Variants in GRID2 observed in about 807,000 individuals in gnomAD.
GRID2 encodes the protein glutamate ionotropic receptor delta type subunit 2.
Under a neutral mutation model 114.8 loss-of-function variants are expected in GRID2, and 33 were observed. The ratio of observed to expected loss-of-function variants is 0.29; its 90% CI spans 0.22 to 0.38. GRID2 has a LOEUF of 0.38. Among genes scored for constraint, GRID2 ranks in the 10% least tolerant of loss-of-function variants. GRID2 has a pLI of 1.00. For synonymous variants in GRID2, 505 were observed against 449.9 expected, an observed-to-expected ratio of 1.12 and a Z score of -1.55; for missense variants, 1,184 against 1,257.7, an observed-to-expected ratio of 0.94 and a Z score of 0.89.
At chr4:92,444,636 T>G (rs1181992262) in intron 1 of GRID2, among the ~76,000 whole-genome samples, 1 of 152,158 alleles carries the variant, frequency 6.6e-6, no homozygotes, top group African/African-American at 2.4e-5. Context: ...TGGCTTGGCT[T>G]GGGCTCAGAG....
At position 93,490,640 on chromosome 4, in the gene GRID2, C is replaced by T. The variant is rs1244698608; in HGVS notation, c.1860C>T (p.Gly620=). 1.3e-5 allele frequency: 21 copies of T among 1,587,086 alleles called. No homozygotes were observed. The highest frequency in any genetic ancestry group is 1.7e-4 in the Middle Eastern group (1 of 5,968). Residue 620 remains glycine (G), a splice_region_variant and synonymous_variant, in exon 12 of 16, where the codon GGC becomes GGT. Coordinates refer to ENST00000282020, the MANE Select transcript of GRID2 (RefSeq NM_001510.4). ...TTATCTCTTTGCTTCTTTCTACAGG[C>T]GGGGAAGTCCCGTACACGACTCTGG... ...WFVYGSFVQQ[G]GEVPYTTLAT... is the part of the protein sequence containing the mutation.
intron 2 of GRID2, among the ~76,000 whole-genome samples, chr4:92,915,374 A>T (rs1364275675): frequency 6.6e-6 from 1 of 152,144 alleles, no homozygotes; most frequent in African/African-American, 2.4e-5. Context: ...AAGTATAATG[A>T]CTGGAAGGCA....
At chr4:93,081,234 AAG>A (rs754503662) in intron 2 of GRID2, among the ~76,000 whole-genome samples, 7 of 152,208 alleles carry the variant, frequency 4.6e-5, no homozygotes, top group Admixed American at 1.3e-4. Context: ...GATCACAAAG[AAG>A]ATATATGTTC....
rs991197461 is a variant in GRID2 at position 92,792,287 on chromosome 4, G to A, written c.244+202001G>A. Among the ~76,000 whole-genome samples the A allele has an allele frequency of 4.6e-5, 7 of 151,744 alleles. No individual in the cohort carries two copies. In the East Asian group the frequency reaches 9.7e-4, roughly 21 times the overall value. ...GTAATAAAATCACTCATAAGGTCAC[G>A]TGAAGTTCAGAGTTGTTAGGGAGGT... On this transcript the variant is annotated intron_variant, in intron 2 of 15. Transcript: ENST00000282020.
At chr4:93,211,292 G>A (rs1743442787) in intron 5 of GRID2, among the ~76,000 whole-genome samples, 2 of 151,976 alleles carry the variant, frequency 1.3e-5, no homozygotes, top group South Asian at 4.2e-4. Flanking sequence ...GAATAGACTA[G>A]CATGTATTTC....
chr4:93,628,089 G>A (rs190793969), intron 14 of GRID2, among the ~76,000 whole-genome samples: 9 of 152,230 alleles, frequency 5.9e-5, no homozygotes, highest in Admixed American at 2.0e-4. Flanking sequence ...CATGAGAATC[G>A]CTTGAGCTTG....
intron 8 of GRID2, among the ~76,000 whole-genome samples, chr4:93,313,916 A>G (rs893038414): frequency 1.3e-5 from 2 of 152,184 alleles, no homozygotes; most frequent in African/African-American, 2.4e-5. Flanking sequence ...AGCCCTACAC[A>G]TAAGCAGCTA....
intron 3 of GRID2, among the ~76,000 whole-genome samples, chr4:93,110,033 A>C (rs1235312005): frequency 6.6e-6 from 1 of 152,154 alleles, no homozygotes; most frequent in Non-Finnish European, 1.5e-5. Flanking sequence ...GCTGATCATC[A>C]TGCAATCAAA....
chr4:93,485,538 G>C (rs1726300426), intron 11 of GRID2, among the ~76,000 whole-genome samples: 1 of 151,658 alleles, frequency 6.6e-6, no homozygotes, highest in African/African-American at 2.4e-5. Flanking sequence ...AGGCTGCATG[G>C]TATTAATTTC....
chr4:92,529,540 G>A (rs1725226694), intron 1 of GRID2, among the ~76,000 whole-genome samples: 1 of 152,046 alleles, frequency 6.6e-6, no homozygotes, highest in African/African-American at 2.4e-5. Flanking sequence ...AAAGACATGT[G>A]AAAACATACT....
intron 3 of GRID2, among the ~76,000 whole-genome samples, chr4:93,088,773 A>G (rs1730540014): frequency 1.3e-5 from 2 of 152,096 alleles, no homozygotes; most frequent in Non-Finnish European, 2.9e-5. Flanking sequence ...TAAGAACTTT[A>G]CTGTCACAAT....
At chr4:93,540,994 C>G (rs1451030923) in intron 13 of GRID2, among the ~76,000 whole-genome samples, 1 of 152,074 alleles carries the variant, frequency 6.6e-6, no homozygotes, top group Non-Finnish European at 1.5e-5. Flanking sequence ...TATTGAGAGA[C>G]TATAAATATG....
rs928490961 is a variant in GRID2, at chr4:92,663,519, A to G, written c.244+73233A>G. ...CAATTACTAAAATTAGTTGTCTAGTATACAGACAAAGTTGTTGCCTAATAT... is the reference window on the plus strand; with the variant it reads ...CAATTACTAAAATTAGTTGTCTAGTGTACAGACAAAGTTGTTGCCTAATAT... On this transcript the variant is annotated intron_variant, in intron 2 of 15. Transcript: ENST00000282020. 7.3e-5 allele frequency among the ~76,000 whole-genome samples: 11 copies of G among 151,426 alleles called. No homozygotes were observed. The East Asian group carries it at 1.9e-3, about 27-fold the overall frequency.
At chr4:92,499,930 A>G (rs1314196457) in intron 1 of GRID2, among the ~76,000 whole-genome samples, 1 of 152,200 alleles carries the variant, frequency 6.6e-6, no homozygotes, top group Non-Finnish European at 1.5e-5. Context: ...ATGTTTTTAT[A>G]CATCCAAATT....
At chr4:92,324,660 C>T (rs996070840) in intron 1 of GRID2, among the ~76,000 whole-genome samples, 1 of 151,438 alleles carries the variant, frequency 6.6e-6, no homozygotes, top group Non-Finnish European at 1.5e-5. Context: ...CTGTAGGAAG[C>T]CTTAAAGTAA....
At chr4:92,729,821 G>T (rs1222273390) in intron 2 of GRID2, among the ~76,000 whole-genome samples, 1 of 138,700 alleles carries the variant, frequency 7.2e-6, no homozygotes, top group African/African-American at 2.5e-5. Flanking sequence ...TAACAAAACA[G>T]TAAAAAAAAA....
chr4:92,613,697 T>A lies in GRID2; in HGVS notation c.244+23411T>A, dbSNP rs1033471697. Among the ~76,000 whole-genome samples the A allele has an allele frequency of 3.3e-5, 5 of 151,628 alleles. No homozygotes were observed. The East Asian group carries it at 5.8e-4, about 18-fold the overall frequency. The stretch of plus-strand genomic sequence containing the variant: ...ACATGAAGTTGTTGATAATTTTTTT[T>A]ATAATCCTGTCTTGTTGGTAGAGAG... On this transcript the variant is annotated intron_variant, in intron 2 of 15. Transcript: ENST00000282020.
intron 2 of GRID2, among the ~76,000 whole-genome samples, chr4:92,979,963 A>T (rs1754090746): frequency 6.6e-6 from 1 of 152,164 alleles, no homozygotes; most frequent in African/African-American, 2.4e-5. Context: ...AATCTGCTTT[A>T]TCACTACAGT....
intron 8 of GRID2, among the ~76,000 whole-genome samples, chr4:93,376,275 C>A (rs1046121929): frequency 2.6e-5 from 4 of 152,006 alleles, no homozygotes; most frequent in African/African-American, 7.2e-5. Context: ...AAAAAGGAGA[C>A]AAACATTATA....
Sources: gnomAD v4.1 joint callset for allele counts (sites outside exome capture counted in the v4.1 genomes callset) on GRCh38, gnomAD v4.1.1 for gene constraint, MANE v1.5 for transcripts, NCBI Gene and HGNC (gene_info 2026-07-23, HGNC 2026-07-21) for gene names.